Variants in NEDD9 observed in about 807,000 individuals in gnomAD.
The protein encoded by NEDD9 is neural precursor cell expressed, developmentally down-regulated 9.
Under a neutral mutation model 76.6 loss-of-function variants are expected in NEDD9, and 26 were observed. That is an observed-to-expected ratio of 0.34 (90% CI 0.25 to 0.47). The LOEUF (loss-of-function observed/expected upper bound fraction) is 0.47. Ranked by LOEUF, NEDD9 falls within the 20% of genes least tolerant of loss-of-function variation. The pLI is 1.00. For synonymous variants in NEDD9, 392 were observed against 414.2 expected (o/e 0.95, Z 0.65); for missense variants, 937 against 1,058.5 (o/e 0.89, Z 1.59).
At chr6:11,279,856 C>T (rs1760498802) in intron 3 of NEDD9, among the ~76,000 whole-genome samples, 1 of 152,228 alleles carries the variant, frequency 6.6e-6, no homozygotes, top group Admixed American at 6.5e-5. Context: ...GACTCTAGCA[C>T]TGTTTTGCGT....
chr6:11,347,744 C>G (rs1246727435), intron 1 of NEDD9, among the ~76,000 whole-genome samples: 2 of 152,140 alleles, frequency 1.3e-5, no homozygotes, highest in African/African-American at 4.8e-5. Context: ...ATTCAACATC[C>G]CTTCATGTTA....
chr6:11,265,936 G>C (rs1214094903), intron 3 of NEDD9, among the ~76,000 whole-genome samples: 2 of 151,284 alleles, frequency 1.3e-5, no homozygotes, highest in Non-Finnish European at 2.9e-5. Context: ...CAGACACAGA[G>C]AGTCAAATAC....
intron 2 of NEDD9, among the ~76,000 whole-genome samples, chr6:11,211,284 A>G (rs1289821892): frequency 6.6e-6 from 1 of 152,192 alleles, no homozygotes; most frequent in Non-Finnish European, 1.5e-5. Context: ...CCATGGGGAA[A>G]GCCTGCAGGG....
At chr6:11,287,336 G>A (rs1330033682) in intron 3 of NEDD9, among the ~76,000 whole-genome samples, 1 of 152,290 alleles carries the variant, frequency 6.6e-6, no homozygotes, top group African/African-American at 2.4e-5. Context: ...GCTGAGGCAG[G>A]AGAATTGCTT....
chr6:11,358,570 C>T (rs931311452), intron 1 of NEDD9, among the ~76,000 whole-genome samples: 69 of 152,258 alleles, frequency 4.5e-4, no homozygotes, highest in Middle Eastern at 3.4e-3. Context: ...AGTCAAGTCA[C>T]CCTAGAGGAA....
intron 3 of NEDD9, among the ~76,000 whole-genome samples, chr6:11,276,172 A>T (rs529968766): frequency 6.6e-6 from 1 of 152,330 alleles, no homozygotes; most frequent in African/African-American, 2.4e-5. Flanking sequence ...ATCTAATTAA[A>T]ACCTCCACCA....
At chr6:11,352,022 A>T (rs1055658815) in intron 1 of NEDD9, 10 of 152,252 alleles carry the variant, frequency 6.6e-5, no homozygotes, top group Admixed American at 1.3e-4. Context: ...TTTCACTGTA[A>T]GGTGGGTCAA....
intron 3 of NEDD9, among the ~76,000 whole-genome samples, chr6:11,271,195 AT>A (rs1025186767): frequency 1.2e-4 from 18 of 151,890 alleles, no homozygotes; most frequent in Non-Finnish European, 2.1e-4. Flanking sequence ...CACCTGATTA[AT>A]TTTTTTTAAC....
intron 3 of NEDD9, chr6:11,305,097 C>G: frequency 1.6e-6 from 2 of 1,288,836 alleles, no homozygotes; most frequent in South Asian, 2.5e-5. Context: ...GGAGATTGGG[C>G]TGTTCTTGGC....
chr6:11,210,873 G>A lies in NEDD9; in HGVS notation c.459+2408C>T, dbSNP rs575134951. On this transcript the variant is annotated intron_variant, in intron 2 of 6. Coordinates refer to ENST00000379446, the MANE Select transcript of NEDD9 (RefSeq NM_006403.4). ...CATGGATGTGAACCACTGCTCTGGG[G>A]TACATGGAGAGAGGCAGCCTAGAGA... 7.9e-5 allele frequency among the ~76,000 whole-genome samples: 12 copies of A among 152,250 alleles called. 1 individual carries two copies. The highest frequency in any genetic ancestry group is 7.8e-4 in the Admixed American group (12 of 15,296).
chr6:11,338,097 T>G (rs1762201452), intron 1 of NEDD9, among the ~76,000 whole-genome samples: 1 of 152,182 alleles, frequency 6.6e-6, no homozygotes, highest in Non-Finnish European at 1.5e-5. Context: ...CAGAATGTCA[T>G]CTTATCTGGA....
At chr6:11,204,570 A>G (rs1758545559) in intron 2 of NEDD9, among the ~76,000 whole-genome samples, 1 of 152,012 alleles carries the variant, frequency 6.6e-6, no homozygotes, top group South Asian at 2.1e-4. Flanking sequence ...AAATACAAAA[A>G]TTAGCCAGGC....
chr6:11,304,577 C>T (rs899117844), intron 3 of NEDD9, among the ~76,000 whole-genome samples: 2 of 152,164 alleles, frequency 1.3e-5, no homozygotes, highest in African/African-American at 2.4e-5. Context: ...CAATGATAGA[C>T]TGGATTGAGA....
chr6:11,362,624 C>T (rs1464032132), intron 1 of NEDD9, among the ~76,000 whole-genome samples: 1 of 152,178 alleles, frequency 6.6e-6, no homozygotes, highest in African/African-American at 2.4e-5. Context: ...GCTTTTCTCA[C>T]CAAAGGGAGA....
chr6:11,255,486 T>C (rs577452512), intron 3 of NEDD9, among the ~76,000 whole-genome samples: 2 of 151,896 alleles, frequency 1.3e-5, no homozygotes, highest in African/African-American at 4.8e-5. Flanking sequence ...CTGAGGAGAA[T>C]AGAATTAGTC....
intron 1 of NEDD9, among the ~76,000 whole-genome samples, chr6:11,346,223 C>T (rs1762361273): frequency 6.6e-6 from 1 of 152,200 alleles, no homozygotes; most frequent in African/African-American, 2.4e-5. Flanking sequence ...TTTGAATGAA[C>T]AAACATGGCT....
chr6:11,242,371 G>A (rs572515010), intron 3 of NEDD9, among the ~76,000 whole-genome samples: 1 of 152,154 alleles, frequency 6.6e-6, no homozygotes, highest in African/African-American at 2.4e-5. Flanking sequence ...TTGCAAGGGT[G>A]TTCTTGAACC....
At chr6:11,326,198 C>T (rs1484169500) in intron 2 of NEDD9, among the ~76,000 whole-genome samples, 1 of 151,810 alleles carries the variant, frequency 6.6e-6, no homozygotes, top group African/African-American at 2.4e-5. Context: ...AAGTTTCTCC[C>T]AAGTCCGCTG....
chr6:11,359,758 T>A (rs1226678125), intron 1 of NEDD9, among the ~76,000 whole-genome samples: 2 of 152,200 alleles, frequency 1.3e-5, no homozygotes, highest in Non-Finnish European at 2.9e-5. Flanking sequence ...CCTATAAGAT[T>A]GGTGTCCAAC....
Sources: gnomAD v4.1 joint callset for allele counts (sites outside exome capture counted in the v4.1 genomes callset) on GRCh38, gnomAD v4.1.1 for gene constraint, MANE v1.5 for transcripts, NCBI Gene and HGNC (gene_info 2026-07-23, HGNC 2026-07-21) for gene names.